Variants in CNTNAP5 observed in about 807,000 individuals in gnomAD.
CNTNAP5 encodes contactin associated protein family member 5.
A neutral mutation model predicts 150.2 loss-of-function variants in CNTNAP5; 72 were observed. That is an observed-to-expected ratio of 0.48 (90% CI 0.40 to 0.58). CNTNAP5 has a LOEUF of 0.58. Ranked by LOEUF, CNTNAP5 falls within the 20% of genes least tolerant of loss-of-function variation. The pLI is 0.00. For synonymous variants in CNTNAP5, 672 were observed against 619.8 expected (o/e 1.08, Z -1.25); for missense variants, 1,636 against 1,626.2 (o/e 1.01, Z -0.10).
intron 11 of CNTNAP5, among the ~76,000 whole-genome samples, chr2:124,593,002 C>G (rs1696733135): frequency 6.6e-6 from 1 of 151,162 alleles, no homozygotes; most frequent in Admixed American, 6.6e-5. Flanking sequence ...TTGTTCATTG[C>G]TTCTGGATTT....
chr2:124,234,252 A>G (rs1277047035), intron 2 of CNTNAP5, among the ~76,000 whole-genome samples: 1 of 152,196 alleles, frequency 6.6e-6, no homozygotes, highest in Non-Finnish European at 1.5e-5. Flanking sequence ...AGATGGGCAG[A>G]GTTAGAGTGT....
At chr2:124,538,666 G>C (rs1164880920) in intron 10 of CNTNAP5, among the ~76,000 whole-genome samples, 1 of 150,824 alleles carries the variant, frequency 6.6e-6, no homozygotes, top group Non-Finnish European at 1.5e-5. Context: ...AGGAAGGAAA[G>C]AAAGAAAGGA....
chr2:124,661,130 T>C (rs1678580676), intron 13 of CNTNAP5, among the ~76,000 whole-genome samples: 2 of 152,056 alleles, frequency 1.3e-5, no homozygotes, highest in South Asian at 4.1e-4. Flanking sequence ...ACTGCACACT[T>C]AGGCTACACT....
At chr2:124,356,381 T>C (rs1215734472) in intron 3 of CNTNAP5, among the ~76,000 whole-genome samples, 3 of 151,038 alleles carry the variant, frequency 2.0e-5, no homozygotes, top group African/African-American at 4.9e-5. Flanking sequence ...TATGTATACA[T>C]GTGCCATGCT....
At chr2:124,337,431 G>C (rs1689501634) in intron 3 of CNTNAP5, among the ~76,000 whole-genome samples, 1 of 152,166 alleles carries the variant, frequency 6.6e-6, no homozygotes, top group African/African-American at 2.4e-5. Context: ...TGGTGTTTTA[G>C]ACATGAAGTC....
chr2:124,874,276 A>AAG (rs905741283), intron 21 of CNTNAP5, among the ~76,000 whole-genome samples: 6 of 152,046 alleles, frequency 3.9e-5, no homozygotes, highest in African/African-American at 1.2e-4. Flanking sequence ...ATAACATTAA[A>AAG]AGAGAGAGAG....
intron 3 of CNTNAP5, among the ~76,000 whole-genome samples, chr2:124,405,272 G>T (rs757154366): frequency 3.9e-5 from 6 of 152,150 alleles, no homozygotes; most frequent in Non-Finnish European, 8.8e-5. Flanking sequence ...ATGTGGAGGG[G>T]CGGGAACAGG....
chr2:124,586,932 A>G (rs773474811), intron 11 of CNTNAP5, among the ~76,000 whole-genome samples: 1 of 152,176 alleles, frequency 6.6e-6, no homozygotes, highest in Non-Finnish European at 1.5e-5. Context: ...GTGAAGGGGA[A>G]AATACGCAGA....
intron 12 of CNTNAP5, among the ~76,000 whole-genome samples, chr2:124,618,633 G>A (rs548934387): frequency 6.6e-6 from 1 of 152,272 alleles, no homozygotes; most frequent in South Asian, 2.1e-4. Flanking sequence ...CGAGAATGCA[G>A]GAGTGCGTAT....
At chr2:124,268,237 A>T (rs1046871744) in intron 3 of CNTNAP5, among the ~76,000 whole-genome samples, 1 of 152,222 alleles carries the variant, frequency 6.6e-6, no homozygotes, top group Non-Finnish European at 1.5e-5. Context: ...ATTGGACATT[A>T]GTAAAATCCA....
chr2:124,434,645 T>C lies in CNTNAP5; in HGVS notation c.691T>C (p.Leu231=), dbSNP rs1165825211. 6.2e-7 allele frequency: 1 copy of C among 1,613,730 alleles called. No homozygotes were observed. Among genetic ancestry groups the C allele is most frequent in the Admixed American group, 1.7e-5 (1 of 59,950 alleles). Residue 231 remains leucine, a synonymous_variant, in exon 5 of 24, where the codon TTG becomes CTG. Coordinates refer to ENST00000682447, the MANE Select transcript of CNTNAP5 (RefSeq NM_001367498.1). ...GEGQRGDHIT[L]ELQKGRLALH... is the part of the protein sequence containing the mutation. ...AGGTCAGCGTGGAGACCACATCACC[T>C]TGGAACTCCAGAAGGGGAGGCTCGC...
At chr2:124,612,230 A>C (rs565378991) in intron 12 of CNTNAP5, among the ~76,000 whole-genome samples, 1 of 152,356 alleles carries the variant, frequency 6.6e-6, no homozygotes, top group African/African-American at 2.4e-5. Context: ...TTAAATTATT[A>C]GAATTTCCTC....
chr2:124,316,909 T>C (rs563346527), intron 3 of CNTNAP5, among the ~76,000 whole-genome samples: 1 of 151,546 alleles, frequency 6.6e-6, no homozygotes, highest in East Asian at 1.9e-4. Context: ...CACTAAAAAC[T>C]TGACTTTCAT....
At chr2:124,322,393 G>A (rs963059467) in intron 3 of CNTNAP5, among the ~76,000 whole-genome samples, 2 of 151,990 alleles carry the variant, frequency 1.3e-5, no homozygotes, top group African/African-American at 4.8e-5. Flanking sequence ...TTACCACCAA[G>A]TGTTAGTTTG....
At chr2:124,241,843 A>T (rs75709744) in intron 2 of CNTNAP5, among the ~76,000 whole-genome samples, 6 of 152,200 alleles carry the variant, frequency 3.9e-5, no homozygotes, top group Non-Finnish European at 7.3e-5. Context: ...GAGAGAGCAC[A>T]TGTAAGCCTA....
intron 3 of CNTNAP5, among the ~76,000 whole-genome samples, chr2:124,329,791 A>C (rs184601683): frequency 2.0e-5 from 3 of 152,312 alleles, no homozygotes; most frequent in Admixed American, 2.0e-4. Flanking sequence ...TGGCTCAAGC[A>C]AACAGGTCTT....
rs568913533 is a variant in CNTNAP5, at chr2:124,465,825, A to G, written c.919-8914A>G. On this transcript the variant is annotated intron_variant, in intron 6 of 23. Transcript: ENST00000682447. ...GAATAAACACAAGTAAGTGAATTAT[A>G]TAGTAAGTAAGAAGATAATAAATGC... is the stretch of plus-strand genomic sequence containing the variant. Among the ~76,000 whole-genome samples the G allele has an allele frequency of 9.2e-5, 14 of 152,330 alleles. No individual in the cohort carries two copies. The South Asian group carries it at 1.7e-3, about 18-fold the overall frequency.
chr2:124,578,927 T>C (rs1696352901), intron 11 of CNTNAP5, among the ~76,000 whole-genome samples: 2 of 152,190 alleles, frequency 1.3e-5, no homozygotes, highest in African/African-American at 2.4e-5. Context: ...CTTATGCCTC[T>C]ATGAAAGATA....
At chr2:124,135,782 T>C (rs965044884) in intron 1 of CNTNAP5, among the ~76,000 whole-genome samples, 11 of 152,236 alleles carry the variant, frequency 7.2e-5, no homozygotes, top group African/African-American at 2.7e-4. Context: ...GGTTTTGTGT[T>C]TTGTGTGTGT....
Sources: gnomAD v4.1 joint callset for allele counts (sites outside exome capture counted in the v4.1 genomes callset) on GRCh38, gnomAD v4.1.1 for gene constraint, MANE v1.5 for transcripts, NCBI Gene and HGNC (gene_info 2026-07-23, HGNC 2026-07-21) for gene names.